Variants in KIF3A observed in about 807,000 individuals in gnomAD.
The protein encoded by KIF3A is kinesin-like protein KIF3A.
A neutral mutation model predicts 92.6 loss-of-function variants in KIF3A; 27 were observed. The observed-to-expected ratio is 0.29, with a 90% CI of 0.21 to 0.40. The LOEUF is 0.40. KIF3A is among the 10% of genes least tolerant of loss of function. KIF3A has a pLI of 1.00. For synonymous variants in KIF3A, 250 were observed against 275.4 expected, an observed-to-expected ratio of 0.91 and a Z score of 0.92; for missense variants, 581 against 872.6, an observed-to-expected ratio of 0.67 and a Z score of 4.21.
intron 17 of KIF3A, among the ~76,000 whole-genome samples, chr5:132,699,796 T>C (rs1308814596): frequency 6.6e-6 from 1 of 151,706 alleles, no homozygotes; most frequent in East Asian, 1.9e-4. Flanking sequence ...TCTCCTGACC[T>C]CGTGATCCAC....
chr5:132,720,654 T>A lies in KIF3A; in HGVS notation c.571A>T (p.Asn191Tyr), dbSNP rs765920235. The A allele has an allele frequency of 6.2e-7, 1 of 1,612,538 alleles. No homozygotes were observed. Among genetic ancestry groups the A allele is most frequent in the Non-Finnish European group, 8.5e-7 (1 of 1,178,954 alleles). ...ATAATTCTATCCATATCATCAGCAT[T>A]ATTTACCACATAAGCTGATAAATCT... ...IKDLSAYVVN[N>Y]ADDMDRIMTL... The change falls in exon 5 of 19, where the codon AAT becomes TAT. Residue 191 changes from asparagine to tyrosine, a missense_variant. By Grantham distance (143) the Asn-to-Tyr change is moderately radical (BLOSUM62 -2). Around this residue, in one of 5 missense-constraint regions of KIF3A, gnomAD observed 217 missense variants for 299.7 expected, o/e 0.72. Coordinates refer to ENST00000403231, the MANE Select transcript of KIF3A (RefSeq NM_001300791.2).
Position 132,696,635 on chromosome 5 carries a change from T to G in KIF3A, c.2180A>C (p.Ter727SerextTer5). 1 of 1,594,928 alleles carries G rather than the reference T, an allele frequency of 6.3e-7. No homozygotes were observed. Among genetic ancestry groups the G allele is most frequent in the Non-Finnish European group, 8.6e-7 (1 of 1,162,866 alleles). ...PETVIDSLLQ[*>S] ...ATTGTGACTTTAAGTCTGTAACATT[T>G]ACTGCAGTAAAGAGTCAATTACAGT... The change falls in exon 19 of 19, where the codon TAA becomes TCA. Residue 727 changes from the stop codon to serine, a stop_lost. Transcript: ENST00000403231.
intron 7 of KIF3A, 139 bp from the exon 8 acceptor site, chr5:132,716,070 G>C: frequency 1.2e-6 from 1 of 844,874 alleles, no homozygotes; most frequent in Non-Finnish European, 1.8e-6. Context: ...TCAACCACAT[G>C]AGTTTCCAAA....
At chr5:132,729,539 CAAG>C (rs1312236618) in intron 2 of KIF3A, among the ~76,000 whole-genome samples, 1 of 150,742 alleles carries the variant, frequency 6.6e-6, no homozygotes, top group Non-Finnish European at 1.5e-5. Context: ...TAAAAACATT[CAAG>C]CCATAAAAAA....
Position 132,711,065 on chromosome 5 carries a change from A to C in KIF3A, c.1130-8T>G. On this transcript the variant is annotated splice_region_variant and splice_polypyrimidine_tract_variant and intron_variant, in intron 8 of 18. Transcript: ENST00000403231. ...AGCCTGATATTTCTTCTCCTTGGACAGAAATTTAATACAATGTTTTTTATC... is the reference window on the plus strand; with the variant it reads ...AGCCTGATATTTCTTCTCCTTGGACCGAAATTTAATACAATGTTTTTTATC... 6.2e-7 allele frequency: 1 copy of C among 1,609,516 alleles called. No individual in the cohort carries two copies. The highest frequency in any genetic ancestry group is 8.5e-7 in the Non-Finnish European group (1 of 1,175,868).
chr5:132,700,748 T>A, intron 15 of KIF3A, 48 bp from the exon 16 acceptor site: 5 of 1,212,332 alleles, frequency 4.1e-6, no homozygotes, highest in Non-Finnish European at 6.0e-6. Flanking sequence ...TAATAACATC[T>A]AAAATATTGA....
At chr5:132,698,028 T>C (rs1345216041) in intron 18 of KIF3A, 1 of 152,192 alleles carries the variant, frequency 6.6e-6, no homozygotes, top group East Asian at 1.9e-4. Flanking sequence ...TATAGGAAAG[T>C]TTTTAACCCC....
intron 10 of KIF3A, among the ~76,000 whole-genome samples, chr5:132,708,610 A>G (rs1221907441): frequency 5.9e-5 from 9 of 152,236 alleles, no homozygotes; most frequent in Admixed American, 5.9e-4. Context: ...CTAAAAAATA[A>G]GCATAAGAAT....
chr5:132,711,024 G>A lies in KIF3A; in HGVS notation c.1163C>T (p.Ser388Leu). The A allele has an allele frequency of 6.2e-7, 1 of 1,611,336 alleles. No individual in the cohort carries two copies. Among genetic ancestry groups the A allele is most frequent in the South Asian group, 1.1e-5 (1 of 90,994 alleles). Residue 388 changes from serine to leucine, a missense_variant, in exon 9 of 19, where the codon TCA becomes TTA. Coordinates refer to ENST00000403231, the MANE Select transcript of KIF3A (RefSeq NM_001300791.2). ...ACCCTCTTCATCATCATCTTCCTCT[G>A]ACCCACTGATATCAGAGCCTGATAT... ...EEISGSDISG[S>L]EEDDDEEGEV...
chr5:132,715,814 C>T lies in KIF3A; in HGVS notation c.1072G>A (p.Ala358Thr). The change falls in exon 8 of 19, where the codon GCT becomes ACT. Residue 358 changes from alanine (A) to threonine (T), a missense_variant. This residue lies in a region of KIF3A where 167 missense variants were observed against 205.8 expected (regional missense o/e 0.81). Coordinates refer to ENST00000403231, the MANE Select transcript of KIF3A (RefSeq NM_001300791.2). ...KARINEDPKDALLRQFQKEIE... is the reference protein window; with the variant it reads ...KARINEDPKDTLLRQFQKEIE... The stretch of plus-strand genomic sequence containing the variant: ...TCTTTCTGGAACTGACGCAGCAAAG[C>T]ATCCTTTGGATCTTCATTAATTCTA... 6.2e-7 allele frequency: 1 copy of T among 1,612,600 alleles called. No homozygotes were observed. Among genetic ancestry groups the T allele is most frequent in the Non-Finnish European group, 8.5e-7 (1 of 1,179,378 alleles).
chr5:132,726,542 C>G (rs777446414), intron 2 of KIF3A, 44 bp from the exon 3 acceptor site: 1 of 1,540,670 alleles, frequency 6.5e-7, no homozygotes, highest in Middle Eastern at 1.7e-4. Context: ...AAGTCTAATG[C>G]TACAGAACAA....
chr5:132,692,711 A>G lies in KIF3A; in HGVS notation c.*3923T>C, dbSNP rs1180367962. ...CAATATATACAACTTGAACAAATACAATTTATACATAAAATACAATGAAAG... is the reference window on the plus strand; with the variant it reads ...CAATATATACAACTTGAACAAATACGATTTATACATAAAATACAATGAAAG... On this transcript the variant is annotated 3_prime_UTR_variant, in exon 19 of 19. Coordinates refer to ENST00000403231, the MANE Select transcript of KIF3A (RefSeq NM_001300791.2). The G allele has an allele frequency of 6.5e-6, 1 of 152,744 alleles. No homozygotes were observed. The highest frequency in any genetic ancestry group is 1.5e-5 in the Non-Finnish European group (1 of 68,046). 9.5% of individuals were successfully genotyped at this position (152,744 alleles called of 1,614,324 possible).
Position 132,703,510 on chromosome 5 carries a change from C to G in KIF3A, c.1419G>C (p.Lys473Asn). Reference protein sequence around the residue: ...KLDMEEEERNKARAELEKREK... With the variant: ...KLDMEEEERNNARAELEKREK... ...CCCGTTTCTCTAATTCAGCTCTAGCCTTGTTTCTTTCTTCTTCTTCCATGT... is the reference window on the plus strand; with the variant it reads ...CCCGTTTCTCTAATTCAGCTCTAGCGTTGTTTCTTTCTTCTTCTTCCATGT... Residue 473 changes from lysine (K) to asparagine (N), a missense_variant, in exon 12 of 19, where the codon AAG (lysine) becomes AAC (asparagine). Physicochemically the swap from Lys to Asn is moderately conservative, Grantham distance 94. Transcript: ENST00000403231. 6.2e-7 allele frequency: 1 copy of G among 1,612,574 alleles called. No individual in the cohort carries two copies. The highest frequency in any genetic ancestry group is 8.5e-7 in the Non-Finnish European group (1 of 1,179,132).
At chr5:132,718,638 T>C (rs1373531992) in intron 5 of KIF3A, among the ~76,000 whole-genome samples, 5 of 151,436 alleles carry the variant, frequency 3.3e-5, no homozygotes, top group Admixed American at 3.3e-4. Context: ...TGTTTTGTTT[T>C]GTTTTTGAGA....
chr5:132,731,791 A>T (rs559720461), intron 2 of KIF3A, among the ~76,000 whole-genome samples: 1 of 151,816 alleles, frequency 6.6e-6, no homozygotes, highest in South Asian at 2.1e-4. Flanking sequence ...GTTCACTGCA[A>T]CCTCCGCCTC....
chr5:132,726,064 C>T (rs904609896), intron 4 of KIF3A, 64 bp downstream of exon 4: 32 of 1,166,184 alleles, frequency 2.7e-5, no homozygotes, highest in Non-Finnish European at 3.6e-5. Flanking sequence ...AGAAGGGGGA[C>T]CTTAATTTAG....
chr5:132,722,976 T>C (rs1753875210), intron 4 of KIF3A: 1 of 152,200 alleles, frequency 6.6e-6, no homozygotes, highest in South Asian at 2.1e-4. Flanking sequence ...TTCTCCTTTA[T>C]ATTACAGTAG....
chr5:132,708,281 CAAAAA>C (rs58058674), intron 10 of KIF3A, among the ~76,000 whole-genome samples: 4 of 66,476 alleles, frequency 6.0e-5, no homozygotes. Context: ...GACTCCGTCT[CAAAAA>C]AAAAAAAAAA....
chr5:132,729,698 A>G (rs1754160531), intron 2 of KIF3A, among the ~76,000 whole-genome samples: 1 of 152,196 alleles, frequency 6.6e-6, no homozygotes, highest in Admixed American at 6.6e-5. Flanking sequence ...TTTGAACTAC[A>G]TGAAAATGAA....
Sources: allele counts gnomAD v4.1 joint callset (sites outside exome capture counted in the v4.1 genomes callset), GRCh38; gene constraint gnomAD v4.1.1; regional missense constraint gnomAD v4.1.1; transcripts MANE v1.5; gene names NCBI Gene and HGNC (gene_info 2026-07-23, HGNC 2026-07-21).